Variants in TTC3 observed in about 807,000 individuals in gnomAD.
The protein encoded by TTC3 is tetratricopeptide repeat domain 3.
Under a neutral mutation model 249.6 loss-of-function variants are expected in TTC3, and 180 were observed. The observed-to-expected ratio is 0.72, with a 90% confidence interval of 0.64 to 0.82. The LOEUF (loss-of-function observed/expected upper bound fraction) is 0.82. Among genes scored for constraint, TTC3 ranks in the 40% least tolerant of loss-of-function variants. The pLI, the probability that TTC3 is intolerant of heterozygous loss-of-function variation, is 0.00. For synonymous variants in TTC3, 717 were observed against 805.0 expected, an observed-to-expected ratio of 0.89 and a Z score of 1.85; for missense variants, 2,061 against 2,398.4, an observed-to-expected ratio of 0.86 and a Z score of 2.94.
intron 8 of TTC3, 109 bp from the exon 9 acceptor site, chr21:37,095,241 G>T: frequency 3.0e-6 from 2 of 664,060 alleles, no homozygotes. Flanking sequence ...AATCCCCTAT[G>T]TTATTTCTGA....
chr21:37,160,951 T>G, intron 30 of TTC3, 93 bp downstream of exon 30: 3 of 1,271,662 alleles, frequency 2.4e-6, no homozygotes, highest in Non-Finnish European at 3.2e-6. Flanking sequence ...TTGGGATATT[T>G]TGAAACATTT....
At chr21:37,115,850 C>T (rs764868865) in intron 11 of TTC3, among the ~76,000 whole-genome samples, 2 of 152,154 alleles carry the variant, frequency 1.3e-5, no homozygotes, top group Non-Finnish European at 2.9e-5. Flanking sequence ...TTGGCCAGCC[C>T]CCTTATTTCT....
intron 10 of TTC3, among the ~76,000 whole-genome samples, chr21:37,107,347 T>C (rs1476682591): frequency 1.3e-5 from 2 of 152,108 alleles, no homozygotes; most frequent in Non-Finnish European, 2.9e-5. Flanking sequence ...AATTAGTGAT[T>C]GAACAGTTTG....
At chr21:37,081,752 T>A (rs1311840126) in intron 1 of TTC3, 3 of 152,186 alleles carry the variant, frequency 2.0e-5, no homozygotes. Flanking sequence ...CAGTGCTGGA[T>A]AATTTCATAA....
chr21:37,150,166 G>T, exon 24 of TTC3: 1 of 1,610,024 alleles, frequency 6.2e-7, no homozygotes, highest in Non-Finnish European at 8.5e-7. Context: ...GAAGTTAAAT[G>T]TGAAGTAAGT....
intron 22 of TTC3, 40 bp downstream of exon 22, chr21:37,147,643 T>C (rs750599748): frequency 6.4e-7 from 1 of 1,561,034 alleles, no homozygotes; most frequent in Non-Finnish European, 8.6e-7. Context: ...ACTTGCAAAA[T>C]CATTTCTTAA....
intron 15 of TTC3, among the ~76,000 whole-genome samples, chr21:37,127,744 A>G (rs1568994690): frequency 6.6e-6 from 1 of 151,966 alleles, no homozygotes; most frequent in Non-Finnish European, 1.5e-5. Flanking sequence ...TCTAGCAGCC[A>G]TTTCTATTTT....
exon 46 of TTC3, chr21:37,202,380 A>G (rs1263785141): frequency 1.3e-5 from 2 of 152,194 alleles, no homozygotes; most frequent in Non-Finnish European, 2.9e-5. Context: ...TGCCTTCCTT[A>G]GCAGCTTCTG....
chr21:37,135,597 TGTA>T (rs2077861568), intron 18 of TTC3, 83 bp downstream of exon 18: 2 of 1,491,876 alleles, frequency 1.3e-6, no homozygotes, highest in South Asian at 2.5e-5. Context: ...CTTAACTCAT[TGTA>T]GTAATGTACC....
intron 1 of TTC3, among the ~76,000 whole-genome samples, chr21:37,079,440 C>T (rs536575780): frequency 6.8e-6 from 1 of 147,374 alleles, no homozygotes; most frequent in Admixed American, 6.9e-5. Context: ...AGTCATAGGA[C>T]TGTTCAGGTA....
intron 11 of TTC3, 50 bp downstream of exon 11, chr21:37,108,496 G>A (rs763435143): frequency 6.5e-7 from 1 of 1,532,080 alleles, no homozygotes; most frequent in Admixed American, 2.0e-5. Flanking sequence ...ATACAACATT[G>A]TGAAAAATCT....
At chr21:37,196,411 A>T (rs2084920362) in intron 42 of TTC3, among the ~76,000 whole-genome samples, 1 of 151,664 alleles carries the variant, frequency 6.6e-6, no homozygotes, top group Non-Finnish European at 1.5e-5. Context: ...TAATTTTTGT[A>T]TTTTTAGTAC....
At chr21:37,105,194 G>A (rs2074956914) in intron 10 of TTC3, among the ~76,000 whole-genome samples, 1 of 152,140 alleles carries the variant, frequency 6.6e-6, no homozygotes, top group Non-Finnish European at 1.5e-5. Context: ...TCAGTGGGAA[G>A]CTTGAAACAT....
intron 41 of TTC3, among the ~76,000 whole-genome samples, chr21:37,195,300 A>T (rs2084755169): frequency 6.6e-6 from 1 of 152,164 alleles, no homozygotes; most frequent in African/African-American, 2.4e-5. Context: ...GGATGGAGAC[A>T]GCTCTGGGGA....
At chr21:37,095,203 G>A (rs2073810695) in intron 8 of TTC3, 147 bp from the exon 9 acceptor site, 1 of 557,070 alleles carries the variant, frequency 1.8e-6, no homozygotes, top group Admixed American at 3.3e-5. Context: ...AAAATATTGG[G>A]TATTGTAATC....
intron 10 of TTC3, among the ~76,000 whole-genome samples, chr21:37,102,219 A>G (rs967396268): frequency 2.0e-5 from 3 of 152,174 alleles, no homozygotes; most frequent in South Asian, 2.1e-4. Context: ...TCAGTGACTG[A>G]CCATTATACC....
intron 35 of TTC3, among the ~76,000 whole-genome samples, chr21:37,180,349 C>T (rs548984209): frequency 1.1e-4 from 16 of 151,976 alleles, no homozygotes; most frequent in Non-Finnish European, 2.1e-4. Context: ...TCTTTATCTG[C>T]TTAGCATTCT....
intron 11 of TTC3, among the ~76,000 whole-genome samples, chr21:37,112,470 A>C (rs180812728): frequency 0.021 from 3,176 of 152,156 alleles, 102 homozygotes; most frequent in African/African-American, 0.073. Flanking sequence ...CGACACATAC[A>C]CTCTCCCAAG....
intron 7 of TTC3, chr21:37,093,347 C>G (rs2073528955): frequency 7.1e-6 from 1 of 140,426 alleles, no homozygotes; most frequent in Non-Finnish European, 1.5e-5. Context: ...CCATTGCACT[C>G]CAGTCTGGGC....
Sources: gnomAD v4.1 joint callset for allele counts (sites outside exome capture counted in the v4.1 genomes callset) on GRCh38, gnomAD v4.1.1 for gene constraint, MANE v1.5 for transcripts, NCBI Gene and HGNC (gene_info 2026-07-23, HGNC 2026-07-21) for gene names.